The following RIMS2 variants were observed in gnomAD, a reference collection of about 807,000 sequenced individuals.
The protein encoded by RIMS2 is regulating synaptic membrane exocytosis protein 2.
RIMS2 carries 59 observed loss-of-function variants against 174.4 expected under a neutral mutation model. The ratio of observed to expected loss-of-function variants is 0.34; its 90% CI spans 0.27 to 0.42. The LOEUF (loss-of-function observed/expected upper bound fraction) is 0.42. Among genes scored for constraint, RIMS2 ranks in the 10% least tolerant of loss-of-function variants. RIMS2 has a pLI of 1.00. For synonymous variants in RIMS2, 606 were observed against 572.5 expected (o/e 1.06, Z -0.84); for missense variants, 1,620 against 1,666.3 (o/e 0.97, Z 0.48).
At position 104,116,052 on chromosome 8, in the gene RIMS2, A is replaced by G. The variant is rs796770581; in HGVS notation, c.3334+101437A>G. ...AAAAAGGGAATAAATCATGTTCTTCATTTTGTTATTTCTAAGTCAGAAACT... is the reference window on the plus strand; with the variant it reads ...AAAAAGGGAATAAATCATGTTCTTCGTTTTGTTATTTCTAAGTCAGAAACT... On this transcript the variant is annotated intron_variant, in intron 19 of 23. Coordinates refer to ENST00000504942, the Ensembl canonical transcript of RIMS2. Among the ~76,000 whole-genome samples, 6 of 152,304 alleles carry G rather than the reference A, an allele frequency of 3.9e-5. No homozygotes were observed. In the East Asian group the frequency reaches 7.7e-4, roughly 20 times the overall value.
chr8:103,916,554 A>G lies in RIMS2; in HGVS notation c.2036+17A>G. 1 of 1,590,784 alleles carries G rather than the reference A, an allele frequency of 6.3e-7. No homozygotes were observed. The highest frequency in any genetic ancestry group is 8.5e-7 in the Non-Finnish European group (1 of 1,170,224). ...GCCTATTGGGTAAGTTGGTTTCAGT[A>G]TTTTATATGTGTGTGAAGTTGAATA... is the stretch of plus-strand genomic sequence containing the variant. On this transcript the variant is annotated intron_variant, in intron 8 of 23. Coordinates refer to ENST00000504942, the Ensembl canonical transcript of RIMS2.
intron 1 of RIMS2, among the ~76,000 whole-genome samples, chr8:103,621,367 C>T (rs915354888): frequency 6.6e-6 from 1 of 152,124 alleles, no homozygotes; most frequent in Admixed American, 6.5e-5. Flanking sequence ...GATTGGTTAG[C>T]AACTTAGAAC....
Position 103,529,403 on chromosome 8 carries a change from C to T in RIMS2, c.176+28341C>T, listed in dbSNP as rs559748412. Among the ~76,000 whole-genome samples the T allele has an allele frequency of 4.6e-5, 7 of 152,280 alleles. No homozygotes were observed. The East Asian group carries it at 5.8e-4, about 13-fold the overall frequency. Reference sequence around the variant, plus strand: ...GCTGTGCTAGCAATGAGCGAGGCTCCGTGGGTGTGGAACCCTCCGAGCCAT... The same window carrying T: ...GCTGTGCTAGCAATGAGCGAGGCTCTGTGGGTGTGGAACCCTCCGAGCCAT... On this transcript the variant is annotated intron_variant, in intron 1 of 23. Transcript: ENST00000504942.
At chr8:103,838,875 C>G (rs186785054) in intron 3 of RIMS2, among the ~76,000 whole-genome samples, 25 of 152,274 alleles carry the variant, frequency 1.6e-4, no homozygotes, top group Non-Finnish European at 2.8e-4. Flanking sequence ...ACCATCCTGG[C>G]TAACACGGTG....
chr8:104,208,553 G>T (rs886151177), intron 19 of RIMS2, among the ~76,000 whole-genome samples: 3 of 149,156 alleles, frequency 2.0e-5, no homozygotes, highest in African/African-American at 7.4e-5. Context: ...GGGTGGCAGA[G>T]TGAGACTCCA....
chr8:103,566,505 C>T (rs935751465), intron 1 of RIMS2, among the ~76,000 whole-genome samples: 1 of 152,168 alleles, frequency 6.6e-6, no homozygotes, highest in Non-Finnish European at 1.5e-5. Flanking sequence ...AACATGTGTA[C>T]TCTCAGTTTT....
At chr8:104,150,898 C>T (rs1182544567) in intron 19 of RIMS2, among the ~76,000 whole-genome samples, 3 of 152,090 alleles carry the variant, frequency 2.0e-5, no homozygotes, top group Non-Finnish European at 4.4e-5. Context: ...TTTTGAGTAC[C>T]TATCATTTGC....
At chr8:103,708,005 C>G (rs543598478) in intron 2 of RIMS2, among the ~76,000 whole-genome samples, 2 of 152,248 alleles carry the variant, frequency 1.3e-5, no homozygotes, top group East Asian at 3.9e-4. Context: ...TCTGTTTACT[C>G]TAAGAAAAAG....
exon 3 of RIMS2, chr8:103,766,410 G>C: frequency 6.2e-7 from 1 of 1,613,784 alleles, no homozygotes; most frequent in Non-Finnish European, 8.5e-7. Context: ...CCAGTTCCAA[G>C]GACCCTCAGG....
chr8:103,786,614 G>C lies in RIMS2; in HGVS notation c.698+20077G>C, dbSNP rs1162096070. On this transcript the variant is annotated intron_variant, in intron 3 of 23. Transcript: ENST00000504942. ...GATTCTTAATCCTGAGTTCTAGTTT[G>C]ATTGCACTGTGGTCTGAGAGATAGT... 3.9e-5 allele frequency among the ~76,000 whole-genome samples: 6 copies of C among 152,290 alleles called. No homozygotes were observed. In the East Asian group the frequency reaches 5.8e-4, roughly 15 times the overall value.
intron 19 of RIMS2, among the ~76,000 whole-genome samples, chr8:104,220,817 G>C (rs1201287891): frequency 6.6e-6 from 1 of 152,044 alleles, no homozygotes; most frequent in East Asian, 1.9e-4. Flanking sequence ...ATGTTGCCCA[G>C]GCTGGTCTCG....
intron 20 of RIMS2, among the ~76,000 whole-genome samples, chr8:104,246,332 T>C (rs2099330117): frequency 6.6e-6 from 1 of 152,188 alleles, no homozygotes; most frequent in Non-Finnish European, 1.5e-5. Flanking sequence ...CTTTTCTTTC[T>C]TTCCTTTTTA....
intron 15 of RIMS2, among the ~76,000 whole-genome samples, chr8:103,965,903 CAT>C (rs1278052005): frequency 6.6e-6 from 1 of 151,868 alleles, no homozygotes; most frequent in African/African-American, 2.4e-5. Context: ...TTGATTTAGT[CAT>C]GTGATTTTTT....
chr8:104,027,617 G>T (rs2096283421), intron 19 of RIMS2, among the ~76,000 whole-genome samples: 1 of 151,824 alleles, frequency 6.6e-6, no homozygotes, highest in Admixed American at 6.6e-5. Flanking sequence ...TTGCCTCAGG[G>T]CCTGCTTTAC....
At chr8:103,783,323 G>T (rs558744247) in intron 3 of RIMS2, among the ~76,000 whole-genome samples, 1 of 149,756 alleles carries the variant, frequency 6.7e-6, no homozygotes, top group East Asian at 2.0e-4. Context: ...ACATTGTGCA[G>T]GTTAGTTACA....
chr8:103,518,361 G>A (rs149540025), intron 1 of RIMS2, among the ~76,000 whole-genome samples: 8,187 of 151,752 alleles, frequency 0.054, 314 homozygotes, highest in Non-Finnish European at 0.078. Context: ...AACGATAGCT[G>A]ATGAGCTAAA....
intron 4 of RIMS2, among the ~76,000 whole-genome samples, chr8:103,908,362 C>T (rs2074961073): frequency 6.6e-6 from 1 of 152,140 alleles, no homozygotes. Flanking sequence ...TTTTATTACA[C>T]CTTGACCAGA....
At chr8:104,179,045 G>C (rs1472392942) in intron 19 of RIMS2, among the ~76,000 whole-genome samples, 1 of 152,034 alleles carries the variant, frequency 6.6e-6, no homozygotes, top group Admixed American at 6.6e-5. Flanking sequence ...GCAATTCCTA[G>C]ACATTATCTG....
intron 19 of RIMS2, among the ~76,000 whole-genome samples, chr8:104,197,680 G>A (rs1233480529): frequency 6.6e-6 from 1 of 152,164 alleles, no homozygotes; most frequent in Non-Finnish European, 1.5e-5. Context: ...ACTGGATTTT[G>A]CGAGGGTGGT....
Sources: gnomAD v4.1 joint callset for allele counts (sites outside exome capture counted in the v4.1 genomes callset) on GRCh38, gnomAD v4.1.1 for gene constraint, MANE v1.5 for transcripts, NCBI Gene and HGNC (gene_info 2026-07-23, HGNC 2026-07-21) for gene names.